HDLBP: variants seen among roughly 807,000 people sequenced by gnomAD.
HDLBP encodes the protein high density lipoprotein binding protein.
HDLBP carries 30 observed loss-of-function variants against 137.3 expected under a neutral mutation model. That is an observed-to-expected ratio of 0.22 (90% CI 0.16 to 0.30). The LOEUF (loss-of-function observed/expected upper bound fraction) is 0.30. Ranked by LOEUF, HDLBP falls within the 10% of genes least tolerant of loss-of-function variation. The probability of loss-of-function intolerance (pLI) is 1.00; values close to 1 mark genes in which losing one functional copy is unlikely to be tolerated. For synonymous variants in HDLBP, 606 were observed against 596.0 expected (o/e 1.02, Z -0.24); for missense variants, 1,119 against 1,667.3 (o/e 0.67, Z 5.73).
intron 1 of HDLBP, among the ~76,000 whole-genome samples, chr2:241,313,828 T>C (rs2075846093): frequency 6.6e-6 from 1 of 152,200 alleles, no homozygotes; most frequent in Non-Finnish European, 1.5e-5. Context: ...CAAGTAAGCC[T>C]AGTGGCGCTG....
rs528022646 is a variant in HDLBP, at chr2:241,233,729, C to G, written c.3288+91G>C. On this transcript the variant is annotated intron_variant, in intron 24 of 27. Coordinates refer to ENST00000310931, the MANE Select transcript of HDLBP (RefSeq NM_005336.6). This position sits in a 1 kb window ranked among gnomAD's most constrained non-coding sequence, Gnocchi z 4.3. ...CCACTCTCAACTTGGCCCTCGAACCCCCATCTAGGCACATCTGGTTACTGC... is the reference window on the plus strand; with the variant it reads ...CCACTCTCAACTTGGCCCTCGAACCGCCATCTAGGCACATCTGGTTACTGC... The G allele has an allele frequency of 6.9e-7, 1 of 1,458,628 alleles. No individual in the cohort carries two copies. Among genetic ancestry groups the G allele is most frequent in the Non-Finnish European group, 9.5e-7 (1 of 1,055,288 alleles). The allele number at this position is 1,458,628 out of a possible 1,614,324, so 90.4% of individuals were successfully genotyped here.
At chr2:241,312,262 G>A (rs1299407271) in intron 1 of HDLBP, among the ~76,000 whole-genome samples, 1 of 152,200 alleles carries the variant, frequency 6.6e-6, no homozygotes, top group East Asian at 1.9e-4. Context: ...ACCACATGAT[G>A]TCCAGACACG....
At chr2:241,304,969 T>C (rs1242924774) in intron 1 of HDLBP, among the ~76,000 whole-genome samples, 2 of 152,256 alleles carry the variant, frequency 1.3e-5, no homozygotes, top group Non-Finnish European at 2.9e-5. Context: ...TGTGTTACCA[T>C]GAGCATATAC....
intron 16 of HDLBP, among the ~76,000 whole-genome samples, chr2:241,244,753 T>C (rs1265646427): frequency 6.6e-6 from 1 of 152,204 alleles, no homozygotes; most frequent in Non-Finnish European, 1.5e-5. Flanking sequence ...ATGGCAACTG[T>C]GTGGATAAAT....
chr2:241,229,853 TC>T lies in HDLBP; in HGVS notation c.3699del (p.Trp1233Ter). The T allele has an allele frequency of 7.6e-7, 1 of 1,319,338 alleles. No homozygotes were observed. The highest frequency in any genetic ancestry group is 1.0e-6 in the Non-Finnish European group (1 of 1,004,174). 81.7% of individuals were successfully genotyped at this position (1,319,338 alleles called of 1,614,324 possible). A position where few individuals can be genotyped will look rare whatever the true frequency, so the allele number is the denominator to read the frequency against. On this transcript the variant is annotated frameshift_variant, in exon 27 of 28. Transcript: ENST00000310931. LOFTEE classifies it high-confidence loss of function. Reference sequence around the variant, plus strand: ...CTGACCTTCTCACTGCTGCTGGCGGTCCAGGGTGCGTCCCGCACCACAAAGC... The same window carrying T: ...CTGACCTTCTCACTGCTGCTGGCGGTCAGGGTGCGTCCCGCACCACAAAGC... Reference protein sequence around the residue: ...SRGFVVRDAPWTASSSEKAPD... With the variant: ...SRGFVVRDAPXTASSSEKAPD...
intron 1 of HDLBP, among the ~76,000 whole-genome samples, chr2:241,286,840 G>T (rs2074830591): frequency 6.6e-6 from 1 of 151,962 alleles, no homozygotes; most frequent in Non-Finnish European, 1.5e-5. Flanking sequence ...CAGTTACTCA[G>T]TGTGGAAGCT....
At chr2:241,299,724 G>A (rs891595949) in intron 1 of HDLBP, among the ~76,000 whole-genome samples, 1 of 151,898 alleles carries the variant, frequency 6.6e-6, no homozygotes, top group Non-Finnish European at 1.5e-5. Context: ...GATCATCCTG[G>A]CTAACACGGT....
Position 241,311,278 on chromosome 2 carries a change from C to T in HDLBP, c.-103+4292G>A, listed in dbSNP as rs181941430. Among the ~76,000 whole-genome samples the T allele has an allele frequency of 7.4e-4, 112 of 152,290 alleles. 1 individual carries two copies. The highest frequency in any genetic ancestry group is 2.6e-3 in the African/African-American group (108 of 41,556). On this transcript the variant is annotated intron_variant, in intron 1 of 27. Transcript: ENST00000310931. ...AACAACACTGGAAACTTAGAGACCGCGGAGCAAAATGATGTCCAAATTCCT... is the reference window on the plus strand; with the variant it reads ...AACAACACTGGAAACTTAGAGACCGTGGAGCAAAATGATGTCCAAATTCCT...
At chr2:241,256,834 C>G (rs2072654340) in intron 5 of HDLBP, 28 bp from the exon 6 acceptor site, 1 of 1,588,504 alleles carries the variant, frequency 6.3e-7, no homozygotes, top group Non-Finnish European at 8.6e-7. Flanking sequence ...TAAAAGAAAA[C>G]AAGAATATTT....
intron 1 of HDLBP, chr2:241,315,089 C>A (rs1050445896): frequency 3.3e-5 from 5 of 152,074 alleles, no homozygotes; most frequent in Admixed American, 1.3e-4. Context: ...GCGGAGCACT[C>A]CCCAGGTCTC....
chr2:241,248,793 C>T (rs1221030431), intron 12 of HDLBP, among the ~76,000 whole-genome samples: 1 of 152,004 alleles, frequency 6.6e-6, no homozygotes. Context: ...GACCACTTTC[C>T]CCGCATGGCT....
In HDLBP at chr2:241,272,941, C is replaced by A; in HGVS notation, c.-102-4400G>T. 1 of 883,332 alleles carries A rather than the reference C, an allele frequency of 1.1e-6. No individual in the cohort carries two copies. Among genetic ancestry groups the A allele is most frequent in the Non-Finnish European group, 1.4e-6 (1 of 736,478 alleles). 54.7% of individuals were successfully genotyped at this position (883,332 alleles called of 1,614,324 possible). A position where few individuals can be genotyped will look rare whatever the true frequency, so the allele number is the denominator to read the frequency against. ...CTGGGGTCCCCGCCGCCCCGGGCCG[C>A]CCAGCACCCGGGAGGCCCACCCAAC... On this transcript the variant is annotated intron_variant, in intron 1 of 27. Coordinates refer to ENST00000310931, the MANE Select transcript of HDLBP (RefSeq NM_005336.6). The surrounding 1 kb of genome is among the most constrained non-coding windows in gnomAD (Gnocchi z 5.6).
intron 1 of HDLBP, among the ~76,000 whole-genome samples, chr2:241,290,575 A>G (rs1014367480): frequency 6.6e-6 from 1 of 151,614 alleles, no homozygotes; most frequent in Admixed American, 6.6e-5. Flanking sequence ...GCGCCATTGC[A>G]CTCCAGCCTG....
At chr2:241,256,074 C>T in intron 7 of HDLBP, 110 bp downstream of exon 7, 1 of 890,032 alleles carries the variant, frequency 1.1e-6, no homozygotes, top group Admixed American at 2.1e-5. Context: ...TAAGCATCTT[C>T]ATCAAGGACA....
Position 241,264,550 on chromosome 2 carries a change from G to A in HDLBP, c.132C>T (p.Phe44=), listed in dbSNP as rs1050798390. Residue 44 remains phenylalanine (F), a synonymous_variant, in exon 4 of 28, where the codon TTC becomes TTT. Transcript: ENST00000310931. ...AAGCAGCTTTCTCAGGAAGTGGAGG[G>A]AAGGCATCCTTGTAGGTTGGAGGGT... ...ESDPPTYKDA[F]PPLPEKAACL... is the part of the protein sequence containing the mutation. 1.4e-5 allele frequency: 23 copies of A among 1,613,798 alleles called. No individual in the cohort carries two copies. Among genetic ancestry groups the A allele is most frequent in the Non-Finnish European group, 1.9e-5 (23 of 1,179,930 alleles).
chr2:241,286,714 C>T lies in HDLBP; in HGVS notation c.-102-18173G>A, dbSNP rs551488881. Among the ~76,000 whole-genome samples the T allele has an allele frequency of 4.4e-3, 677 of 152,252 alleles. 5 individuals carry two copies. Among genetic ancestry groups the T allele is most frequent in the African/African-American group, 0.016 (659 of 41,544 alleles). ...TGGCAAAGTAAGCTTTCTAAATTAA[C>T]TGAGACTTGTCAGATTTCCTGGGTT... On this transcript the variant is annotated intron_variant, in intron 1 of 27. Coordinates refer to ENST00000310931, the MANE Select transcript of HDLBP (RefSeq NM_005336.6).
chr2:241,242,903 G>A (rs546849638), intron 16 of HDLBP: 9 of 561,962 alleles, frequency 1.6e-5, no homozygotes, highest in African/African-American at 7.5e-5. Context: ...GAGCAGGCGC[G>A]CTGGGAGGTG....
At chr2:241,267,784 G>C (rs2073789452) in intron 2 of HDLBP, 1 of 1,497,792 alleles carries the variant, frequency 6.7e-7, no homozygotes, top group African/African-American at 1.4e-5. Flanking sequence ...AAATGCCCTT[G>C]ATCCACACTG....
At chr2:241,251,248 C>A (rs764388952) in intron 11 of HDLBP, among the ~76,000 whole-genome samples, 11 of 152,084 alleles carry the variant, frequency 7.2e-5, no homozygotes, top group Non-Finnish European at 1.6e-4. Context: ...CAAGAGCCAC[C>A]GTGTCAGGCC....
Sources: allele counts gnomAD v4.1 joint callset (sites outside exome capture counted in the v4.1 genomes callset), GRCh38; gene constraint gnomAD v4.1.1; non-coding constraint Gnocchi (gnomAD v3.1); transcripts MANE v1.5; gene names NCBI Gene and HGNC (gene_info 2026-07-23, HGNC 2026-07-21).